CSMD1: variants seen among roughly 807,000 people sequenced by gnomAD.
The protein encoded by CSMD1 is CUB and sushi domain-containing protein 1.
CSMD1 carries 213 observed loss-of-function variants against 417.5 expected under a neutral mutation model. The observed-to-expected ratio is 0.51, with a 90% CI of 0.46 to 0.57. The LOEUF (loss-of-function observed/expected upper bound fraction) is 0.57. CSMD1 is among the 20% of genes least tolerant of loss of function. CSMD1 has a pLI of 0.00. For synonymous variants in CSMD1, 2,862 were observed against 1,736.8 expected (o/e 1.65, Z -16.11); for missense variants, 6,923 against 4,529.7 (o/e 1.53, Z -15.17).
intron 2 of CSMD1, among the ~76,000 whole-genome samples, chr8:4,444,777 C>T (rs1167733843): frequency 6.6e-6 from 1 of 152,120 alleles, no homozygotes; most frequent in East Asian, 1.9e-4. Flanking sequence ...CCTGATTTGA[C>T]TAAGAACATA....
chr8:3,999,606 C>T (rs953590428), intron 4 of CSMD1, among the ~76,000 whole-genome samples: 2 of 152,138 alleles, frequency 1.3e-5, no homozygotes, highest in East Asian at 1.9e-4. Context: ...TGACAGCACA[C>T]GGTTTTTGTT....
chr8:4,655,067 C>A (rs1018521632), intron 1 of CSMD1, among the ~76,000 whole-genome samples: 35 of 150,086 alleles, frequency 2.3e-4, no homozygotes, highest in Non-Finnish European at 7.4e-5. Context: ...CTTTGTAAAT[C>A]ATTTGTCCAT....
At chr8:3,373,221 G>C (rs6994571) in intron 18 of CSMD1, 4 of 152,174 alleles carry the variant, frequency 2.6e-5, no homozygotes, top group South Asian at 2.1e-4. Context: ...ATCAGGAAAA[G>C]TTACTTGATC....
intron 2 of CSMD1, among the ~76,000 whole-genome samples, chr8:4,448,903 A>G (rs908538368): frequency 4.6e-5 from 7 of 152,318 alleles, no homozygotes; most frequent in East Asian, 3.9e-4. Context: ...ACATGCACAC[A>G]TATTTCATCT....
chr8:3,213,988 G>C (rs927020547), intron 30 of CSMD1, among the ~76,000 whole-genome samples: 1 of 151,872 alleles, frequency 6.6e-6, no homozygotes, highest in Non-Finnish European at 1.5e-5. Context: ...TGGGATCACA[G>C]GCACGCACCA....
At chr8:4,194,981 T>C (rs1462110674) in intron 3 of CSMD1, among the ~76,000 whole-genome samples, 1 of 152,198 alleles carries the variant, frequency 6.6e-6, no homozygotes, top group African/African-American at 2.4e-5. Context: ...CTATCTAGCT[T>C]TCTTTCATCT....
At position 4,409,243 on chromosome 8, in the gene CSMD1, T is replaced by G. The variant is rs116863155; in HGVS notation, c.415+10710A>C. Among the ~76,000 whole-genome samples the G allele has an allele frequency of 5.7e-3, 870 of 152,324 alleles. 35 individuals carry two copies. The East Asian group carries it at 0.089, about 16-fold the overall frequency. On this transcript the variant is annotated intron_variant, in intron 3 of 69. Transcript: ENST00000635120. The stretch of plus-strand genomic sequence containing the variant: ...GATGAAATTCGAATGCATTTTTACC[T>G]TAACTTACATACTTCCTACTTATTT...
intron 3 of CSMD1, among the ~76,000 whole-genome samples, chr8:4,344,105 T>G (rs1441139832): frequency 6.6e-6 from 1 of 152,022 alleles, no homozygotes; most frequent in East Asian, 1.9e-4. Flanking sequence ...GCACCTCGAG[T>G]AAAAGGCCTA....
intron 3 of CSMD1, among the ~76,000 whole-genome samples, chr8:4,308,926 T>C (rs1798405306): frequency 6.6e-6 from 1 of 152,176 alleles, no homozygotes; most frequent in African/African-American, 2.4e-5. Flanking sequence ...GTCCATTTAT[T>C]TCTCCTTTTT....
intron 3 of CSMD1, among the ~76,000 whole-genome samples, chr8:4,082,132 T>C (rs1800170556): frequency 6.6e-6 from 1 of 152,050 alleles, no homozygotes; most frequent in Non-Finnish European, 1.5e-5. Flanking sequence ...ACATTAGGAA[T>C]AAAAGATGCA....
At chr8:3,302,490 T>A (rs185994196) in intron 25 of CSMD1, among the ~76,000 whole-genome samples, 1 of 152,208 alleles carries the variant, frequency 6.6e-6, no homozygotes, top group African/African-American at 2.4e-5. Context: ...TCACTTCCCA[T>A]GATATCACTT....
intron 2 of CSMD1, among the ~76,000 whole-genome samples, chr8:4,432,212 A>G (rs1364362808): frequency 6.6e-6 from 1 of 152,248 alleles, no homozygotes; most frequent in Non-Finnish European, 1.5e-5. Context: ...TGGAATTTAA[A>G]AATTTTGTCA....
At position 3,230,122 on chromosome 8, in the gene CSMD1, A is replaced by C; in HGVS notation, c.4263T>G (p.Tyr1421Ter). The C allele has an allele frequency of 1.2e-6, 2 of 1,613,776 alleles. No individual in the cohort carries two copies. The highest frequency in any genetic ancestry group is 1.7e-6 in the Non-Finnish European group (2 of 1,179,782). Residue 1421 changes from tyrosine (Y) to a stop codon, truncating the protein, a stop_gained, in exon 27 of 70, where the codon TAT becomes TAG. Transcript: ENST00000635120. LOFTEE classifies it high-confidence loss of function. ...DTVTFQCDPG[Y>*]QLQGQAKITC... ...TGATTTTGGCTTGTCCTTGGAGCTG[A>C]TAGCCAGGGTCACACTGGAATGTGA...
intron 3 of CSMD1, among the ~76,000 whole-genome samples, chr8:4,315,753 A>C (rs888995477): frequency 3.3e-5 from 5 of 152,146 alleles, no homozygotes; most frequent in Non-Finnish European, 7.4e-5. Flanking sequence ...AATGAAAGCA[A>C]CTAGCTGGTC....
chr8:3,494,366 T>A (rs1238185022), intron 10 of CSMD1, among the ~76,000 whole-genome samples: 1 of 152,168 alleles, frequency 6.6e-6, no homozygotes, highest in East Asian at 1.9e-4. Context: ...GCACAAGATC[T>A]TTTTCTCCTG....
intron 41 of CSMD1, among the ~76,000 whole-genome samples, chr8:3,132,662 T>A (rs1310274727): frequency 6.6e-6 from 1 of 152,182 alleles, no homozygotes; most frequent in Non-Finnish European, 1.5e-5. Context: ...CAAAAGTAGT[T>A]CTGAATAGCT....
chr8:4,992,061 G>T (rs1005189510), intron 1 of CSMD1, among the ~76,000 whole-genome samples: 1 of 152,112 alleles, frequency 6.6e-6, no homozygotes, highest in African/African-American at 2.4e-5. Context: ...TCCACTTCTC[G>T]GCTTCTACAG....
At chr8:3,517,373 T>C (rs1460476184) in intron 10 of CSMD1, among the ~76,000 whole-genome samples, 1 of 152,152 alleles carries the variant, frequency 6.6e-6, no homozygotes, top group Non-Finnish European at 1.5e-5. Context: ...TGTTATTAAG[T>C]GTTTTAAGGA....
In CSMD1 at chr8:3,605,479, C is replaced by T. The variant is rs150690504; in HGVS notation, c.1097+11231G>A. Among the ~76,000 whole-genome samples, 666 of 152,200 alleles carry T rather than the reference C, an allele frequency of 4.4e-3. 4 individuals carry two copies. The highest frequency in any genetic ancestry group is 0.015 in the African/African-American group (640 of 41,528). ...ATAACTATAAATAAAATTATCAATA[C>T]GCTACAAAAAATTAAGATAACTGAA... is the stretch of plus-strand genomic sequence containing the variant. On this transcript the variant is annotated intron_variant, in intron 8 of 69. Coordinates refer to ENST00000635120, the MANE Select transcript of CSMD1 (RefSeq NM_033225.6).
Sources: allele counts gnomAD v4.1 joint callset (sites outside exome capture counted in the v4.1 genomes callset), GRCh38; gene constraint gnomAD v4.1.1; transcripts MANE v1.5; gene names NCBI Gene and HGNC (gene_info 2026-07-23, HGNC 2026-07-21).